The following ANXA9 variants were observed in gnomAD, a reference collection of about 807,000 sequenced individuals.
ANXA9 encodes annexin A9, also known as annexin 31.
A neutral mutation model predicts 51.8 loss-of-function variants in ANXA9; 47 were observed. The ratio of observed to expected loss-of-function variants is 0.91; its 90% confidence interval spans 0.72 to 1.16. The LOEUF is 1.16. Ranked by LOEUF, ANXA9 falls within the 50% of genes most tolerant of loss-of-function variation. The probability of loss-of-function intolerance (pLI) is 0.00; values close to 1 mark genes in which losing one functional copy is unlikely to be tolerated. For synonymous variants in ANXA9, 154 were observed against 168.7 expected, an observed-to-expected ratio of 0.91 and a Z score of 0.68; for missense variants, 361 against 424.7, an observed-to-expected ratio of 0.85 and a Z score of 1.32.
At chr1:150,978,732 G>A (rs756272316), upstream of ANXA9, among the ~76,000 whole-genome samples, 9 of 152,030 alleles carry the variant, frequency 5.9e-5, no homozygotes, top group East Asian at 1.9e-4. Context: ...TTGGGAGGCC[G>A]AGGTGGGCGG....
chr1:150,992,285 C>T (rs758364340), intron 12 of ANXA9, among the ~76,000 whole-genome samples: 1 of 152,220 alleles, frequency 6.6e-6, no homozygotes, highest in South Asian at 2.1e-4. Flanking sequence ...CATGGTGGCT[C>T]ATGCCTGTAA....
chr1:150,978,976 A>T (rs12562939), upstream of ANXA9, among the ~76,000 whole-genome samples: 3 of 151,510 alleles, frequency 2.0e-5, no homozygotes, highest in Non-Finnish European at 4.4e-5. Context: ...AAAAAAGAAA[A>T]GAAAAGGTGG....
rs747899268 is a variant in ANXA9 at position 150,995,252 on chromosome 1, G to A, written c.976-8G>A. ...GATCTTTCTAACACTGAATTCCCTT[G>A]TCTGCAGGATGCAGTGAAAGGGGAT... On this transcript the variant is annotated splice_polypyrimidine_tract_variant and splice_region_variant and intron_variant, in intron 13 of 13. Transcript: ENST00000368947. 7 of 1,608,960 alleles carry A rather than the reference G, an allele frequency of 4.4e-6. No individual in the cohort carries two copies. The highest frequency in any genetic ancestry group is 5.9e-6 in the Non-Finnish European group (7 of 1,177,422).
chr1:150,985,579 C>T (rs1251278402), intron 7 of ANXA9, among the ~76,000 whole-genome samples: 1 of 131,436 alleles, frequency 7.6e-6, no homozygotes, highest in Non-Finnish European at 1.5e-5. Flanking sequence ...GGCCTATGTT[C>T]TTCTTTTGAG....
upstream of ANXA9, among the ~76,000 whole-genome samples, chr1:150,979,895 C>T (rs1032338123): frequency 1.3e-5 from 2 of 152,172 alleles, no homozygotes; most frequent in African/African-American, 4.8e-5. Context: ...TCACAACAAC[C>T]TATAACATAA....
chr1:150,986,176 A>G (rs954043424), intron 7 of ANXA9, among the ~76,000 whole-genome samples, 160 bp from the exon 8 acceptor site: 1 of 152,104 alleles, frequency 6.6e-6, no homozygotes, highest in African/African-American at 2.4e-5. Flanking sequence ...CCGTGATGGT[A>G]CTTGTGCCTT....
At chr1:150,991,495 A>G (rs968490970) in intron 12 of ANXA9, among the ~76,000 whole-genome samples, 46 of 150,952 alleles carry the variant, frequency 3.0e-4, no homozygotes, top group African/African-American at 1.1e-3. Flanking sequence ...TCAGCCTCCC[A>G]AAGTGCTGGG....
intron 12 of ANXA9, among the ~76,000 whole-genome samples, chr1:150,992,165 G>C (rs1305083371): frequency 6.6e-6 from 1 of 152,218 alleles, no homozygotes; most frequent in Admixed American, 6.5e-5. Context: ...AGCAATGGCT[G>C]ATTCAGGACA....
At chr1:150,994,550 C>T (rs747358802) in intron 12 of ANXA9, 27 bp from the exon 13 acceptor site, 6 of 1,611,782 alleles carry the variant, frequency 3.7e-6, no homozygotes, top group Non-Finnish European at 5.1e-6. Context: ...TCACTAACTA[C>T]CCCCCATCTC....
chr1:150,979,289 C>A (rs979812041), upstream of ANXA9, among the ~76,000 whole-genome samples: 1 of 151,814 alleles, frequency 6.6e-6, no homozygotes, highest in Non-Finnish European at 1.5e-5. Context: ...AGAGATTCGG[C>A]GTGAGGAAAC....
At chr1:150,986,007 G>A (rs1361514491) in intron 7 of ANXA9, among the ~76,000 whole-genome samples, 1 of 151,588 alleles carries the variant, frequency 6.6e-6, no homozygotes, top group Non-Finnish European at 1.5e-5. Flanking sequence ...TCCAATGAGG[G>A]TGCCAGGTCC....
intron 5 of ANXA9, 81 bp from the exon 6 acceptor site, chr1:150,984,200 C>T (rs1671493392): frequency 6.5e-7 from 1 of 1,538,986 alleles, no homozygotes; most frequent in African/African-American, 1.4e-5. Context: ...GAAAACCAGC[C>T]AAATCTTCCC....
At chr1:150,995,147 G>A in intron 13 of ANXA9, 113 bp from the exon 14 acceptor site, 1 of 1,097,874 alleles carries the variant, frequency 9.1e-7, no homozygotes. Flanking sequence ...TGAGCTCCCG[G>A]GAGGACCCTT....
rs199810684 is a variant in ANXA9, at chr1:150,988,304, C to T, written c.815C>T (p.Pro272Leu). ...CCAGCTTCGGTGATCAAGAACACAC[C>T]GCTGTACTTTGCTGACAAACTTCAT... is the stretch of plus-strand genomic sequence containing the variant. The part of the protein sequence containing the change: ...LGLASVIKNT[P>L]LYFADKLHQA... Residue 272 changes from proline to leucine, a missense_variant, in exon 12 of 14, where the codon CCG becomes CTG. Pro to Leu is a moderately conservative substitution (Grantham distance 98, BLOSUM62 -3). Transcript: ENST00000368947. 36 of 1,614,102 alleles carry T rather than the reference C, an allele frequency of 2.2e-5. No homozygotes were observed. The highest frequency in any genetic ancestry group is 1.7e-4 in the African/African-American group (13 of 75,028).
At chr1:150,984,702 A>C (rs968483703) in intron 7 of ANXA9, 26 bp downstream of exon 7, 2 of 1,596,962 alleles carry the variant, frequency 1.3e-6, no homozygotes, top group Non-Finnish European at 8.6e-7. Flanking sequence ...GAGGGGTCCC[A>C]GATGCTGGAG....
In ANXA9 at chr1:150,988,318, G is replaced by C. The variant is rs1238984378; in HGVS notation, c.829G>C (p.Asp277His). The change falls in exon 12 of 14, where the codon GAC (aspartate) becomes CAC (histidine). Residue 277 changes from aspartate (D) to histidine (H), a missense_variant. By Grantham distance (81) the Asp-to-His change is moderately conservative. Transcript: ENST00000368947. ...VIKNTPLYFA[D>H]KLHQALQETE... ...CAAGAACACACCGCTGTACTTTGCT[G>C]ACAAACTTCATCAAGCCCTCCAGGT... 6.2e-7 allele frequency: 1 copy of C among 1,614,046 alleles called. No individual in the cohort carries two copies. The highest frequency in any genetic ancestry group is 1.7e-5 in the Admixed American group (1 of 60,002).
upstream of ANXA9, among the ~76,000 whole-genome samples, chr1:150,977,550 A>G (rs778613794): frequency 6.6e-6 from 1 of 152,226 alleles, no homozygotes; most frequent in Non-Finnish European, 1.5e-5. Flanking sequence ...GAACTGTCCC[A>G]AGGAGAGGAC....
chr1:150,988,077 C>T lies in ANXA9; in HGVS notation c.698-14C>T. The T allele has an allele frequency of 6.2e-7, 1 of 1,614,166 alleles. No individual in the cohort carries two copies. The highest frequency in any genetic ancestry group is 8.5e-7 in the Non-Finnish European group (1 of 1,180,016). ...CCCCCATCCATCTTTCTAACTGCCTCCTACACACACAAGTGTTTGATCAGT... is the reference window on the plus strand; with the variant it reads ...CCCCCATCCATCTTTCTAACTGCCTTCTACACACACAAGTGTTTGATCAGT... On this transcript the variant is annotated splice_polypyrimidine_tract_variant and intron_variant, in intron 10 of 13. Transcript: ENST00000368947.
chr1:150,994,868 C>T (rs1319111194), intron 13 of ANXA9, 169 bp downstream of exon 13: 27 of 947,574 alleles, frequency 2.8e-5, no homozygotes, highest in South Asian at 4.9e-5. Flanking sequence ...CTGAGGTGGG[C>T]GGATCACGAG....
Sources: gnomAD v4.1 joint callset for allele counts (sites outside exome capture counted in the v4.1 genomes callset) on GRCh38, gnomAD v4.1.1 for gene constraint, MANE v1.5 for transcripts, NCBI Gene and HGNC (gene_info 2026-07-23, HGNC 2026-07-21) for gene names.